Variants in EXT2 observed in about 807,000 individuals in gnomAD.
The protein encoded by EXT2 is exostosin-2.
EXT2 carries 53 observed loss-of-function variants against 81.6 expected under a neutral mutation model. The ratio of observed to expected loss-of-function variants is 0.65; its 90% CI spans 0.52 to 0.82. The LOEUF (loss-of-function observed/expected upper bound fraction) is 0.82, where lower values mean the gene tolerates loss of function less well. EXT2 is among the 40% of genes least tolerant of loss of function. The pLI, the probability that EXT2 is intolerant of heterozygous loss-of-function variation, is 0.00. For synonymous variants in EXT2, 320 were observed against 340.0 expected, an observed-to-expected ratio of 0.94 and a Z score of 0.65; for missense variants, 774 against 910.2, an observed-to-expected ratio of 0.85 and a Z score of 1.93.
Position 44,248,980 on chromosome 11 carries a change from G to A in EXT2, c.*4693G>A, listed in dbSNP as rs918587389. On this transcript the variant is annotated 3_prime_UTR_variant, in exon 14 of 14. Transcript: ENST00000533608. ...CAGGGTAGAGTTTTTTTGTTTGTTT[G>A]TTTGTTTGTTTTTGTTTTTTTTGTT... 6.6e-6 allele frequency among the ~76,000 whole-genome samples: 1 copy of A among 151,688 alleles called. No individual in the cohort carries two copies. The highest frequency in any genetic ancestry group is 1.5e-5 in the Non-Finnish European group (1 of 67,916).
At chr11:44,240,792 A>G (rs1956028100) in intron 13 of EXT2, among the ~76,000 whole-genome samples, 1 of 152,158 alleles carries the variant, frequency 6.6e-6, no homozygotes, top group Non-Finnish European at 1.5e-5. Context: ...ATAGGGAGGG[A>G]AGAAGACATG....
At chr11:44,191,855 G>A (rs1042927883) in intron 8 of EXT2, among the ~76,000 whole-genome samples, 3 of 152,112 alleles carry the variant, frequency 2.0e-5, no homozygotes, top group African/African-American at 7.2e-5. Flanking sequence ...AGGCAAATAG[G>A]ATTATGCTTG....
Position 44,109,245 on chromosome 11 carries a change from C to T in EXT2, c.588C>T (p.Pro196=), listed in dbSNP as rs200009614. Residue 196 remains proline (P), a synonymous_variant, in exon 3 of 14, where the codon CCC becomes CCT. Coordinates refer to ENST00000533608, the MANE Select transcript of EXT2 (RefSeq NM_207122.2). The stretch of plus-strand genomic sequence containing the variant: ...TGTTCAACATGTTGCCTGGAGGTCC[C>T]CCAGATTATAACACAGCCCTGGATG... ...HLLFNMLPGG[P]PDYNTALDVP... The T allele has an allele frequency of 2.2e-5, 36 of 1,613,848 alleles. No homozygotes were observed. In the Middle Eastern group the frequency reaches 6.6e-4, roughly 29 times the overall value.
intron 1 of EXT2, among the ~76,000 whole-genome samples, chr11:44,101,265 T>C (rs553202535): frequency 4.1e-4 from 63 of 152,190 alleles, no homozygotes; most frequent in Non-Finnish European, 8.4e-4. Flanking sequence ...AGTCTTGGTA[T>C]GCGGCTGGGC....
Position 44,114,356 on chromosome 11 carries a change from A to G in EXT2, c.743+55A>G, listed in dbSNP as rs548071898. 40 of 1,527,090 alleles carry G rather than the reference A, an allele frequency of 2.6e-5. No individual in the cohort carries two copies. In the Middle Eastern group the frequency reaches 5.1e-4, roughly 20 times the overall value. 94.6% of individuals were successfully genotyped at this position (1,527,090 alleles called of 1,614,324 possible). Reference sequence around the variant, plus strand: ...CCTTTACTGAATCTGTGAGATGTTGATGAGGTTTAGTGTGGTGGGCATCAA... The same window carrying G: ...CCTTTACTGAATCTGTGAGATGTTGGTGAGGTTTAGTGTGGTGGGCATCAA... On this transcript the variant is annotated intron_variant, in intron 4 of 13. Transcript: ENST00000533608.
At chr11:44,162,401 C>T (rs895387184) in intron 7 of EXT2, among the ~76,000 whole-genome samples, 3 of 151,986 alleles carry the variant, frequency 2.0e-5, no homozygotes, top group African/African-American at 7.3e-5. Context: ...CATGGCAAAA[C>T]TGCATCTCTA....
At chr11:44,101,494 G>A (rs1953981821) in intron 1 of EXT2, among the ~76,000 whole-genome samples, 1 of 152,200 alleles carries the variant, frequency 6.6e-6, no homozygotes, top group Admixed American at 6.5e-5. Flanking sequence ...AAATGTCATA[G>A]TGCTAAGGTT....
At chr11:44,206,658 C>A in intron 9 of EXT2, 135 bp from the exon 10 acceptor site, 1 of 849,434 alleles carries the variant, frequency 1.2e-6, no homozygotes, top group Non-Finnish European at 1.9e-6. Context: ...TCCCCTGACA[C>A]AGTTCTACCT....
intron 7 of EXT2, among the ~76,000 whole-genome samples, chr11:44,164,455 C>T (rs1190875062): frequency 6.6e-6 from 1 of 152,152 alleles, no homozygotes; most frequent in Non-Finnish European, 1.5e-5. Context: ...TTGTTCTTTC[C>T]ACTATGCCAC....
At chr11:44,096,371 G>A in intron 1 of EXT2, 5 of 1,503,948 alleles carry the variant, frequency 3.3e-6, no homozygotes, top group Non-Finnish European at 4.4e-6. Flanking sequence ...GTGGTCGGGG[G>A]CGTGTTAGGC....
At chr11:44,145,143 GAGC>G (rs1222732852) in intron 7 of EXT2, among the ~76,000 whole-genome samples, 1 of 152,014 alleles carries the variant, frequency 6.6e-6, no homozygotes, top group Non-Finnish European at 1.5e-5. Flanking sequence ...CTTGCCTGAG[GAGC>G]AGAAGTGAAA....
At chr11:44,177,066 C>T (rs1955168778) in intron 8 of EXT2, among the ~76,000 whole-genome samples, 1 of 152,140 alleles carries the variant, frequency 6.6e-6, no homozygotes, top group Non-Finnish European at 1.5e-5. Context: ...ACCACACCCT[C>T]AGAACCTGAA....
In EXT2 at chr11:44,197,932, TC is replaced by T; in HGVS notation, c.1411del (p.Arg471GlyfsTer39). 1 of 1,614,076 alleles carries T rather than the reference TC, an allele frequency of 6.2e-7. No individual in the cohort carries two copies. The highest frequency in any genetic ancestry group is 1.7e-5 in the Admixed American group (1 of 60,010). On this transcript the variant is annotated frameshift_variant, in exon 9 of 14. Transcript: ENST00000533608. LOFTEE classifies it high-confidence loss of function. ...VLTYDRVESL[F>X]RVITEVSKVP... ...ACCTACGACCGAGTAGAGAGCCTCTTCCGGGTCATCACTGAAGTGTCCAAGG... is the reference window on the plus strand; with the variant it reads ...ACCTACGACCGAGTAGAGAGCCTCTTCGGGTCATCACTGAAGTGTCCAAGG...
rs1201485257 is a variant in EXT2 at position 44,169,150 on chromosome 11, G to A, written c.1174-2461G>A. On this transcript the variant is annotated intron_variant, in intron 7 of 13. Coordinates refer to ENST00000533608, the MANE Select transcript of EXT2 (RefSeq NM_207122.2). ...CAGGAGAATCGTTTGAACCTGGGAGGTGGAGGTTGCAGTGAGCTGAGATCG... is the reference window on the plus strand; with the variant it reads ...CAGGAGAATCGTTTGAACCTGGGAGATGGAGGTTGCAGTGAGCTGAGATCG... Among the ~76,000 whole-genome samples, 5 of 152,226 alleles carry A rather than the reference G, an allele frequency of 3.3e-5. No individual in the cohort carries two copies. The East Asian group carries it at 9.7e-4, about 29-fold the overall frequency.
chr11:44,211,172 T>C (rs187730154), intron 10 of EXT2, among the ~76,000 whole-genome samples: 221 of 152,290 alleles, frequency 1.5e-3, no homozygotes, highest in African/African-American at 5.1e-3. Flanking sequence ...TTGTACACTG[T>C]CAGTGGGAAT....
At chr11:44,167,826 T>G (rs1015811832) in intron 7 of EXT2, among the ~76,000 whole-genome samples, 2 of 152,140 alleles carry the variant, frequency 1.3e-5, no homozygotes, top group Non-Finnish European at 2.9e-5. Flanking sequence ...TTTTTATTAT[T>G]ATTATACTTT....
At chr11:44,242,934 G>T (rs1181863896) in intron 13 of EXT2, among the ~76,000 whole-genome samples, 1 of 152,114 alleles carries the variant, frequency 6.6e-6, no homozygotes, top group Non-Finnish European at 1.5e-5. Flanking sequence ...CTACCCCATA[G>T]GGTTGTTGTG....
intron 9 of EXT2, among the ~76,000 whole-genome samples, chr11:44,203,867 G>A (rs1461834284): frequency 6.6e-6 from 1 of 152,354 alleles, no homozygotes; most frequent in East Asian, 1.9e-4. Flanking sequence ...CGCCATGCCA[G>A]TTGGCAAAGA....
At chr11:44,130,161 G>T (rs1954471868) in intron 7 of EXT2, 23 bp downstream of exon 7, 1 of 1,579,376 alleles carries the variant, frequency 6.3e-7, no homozygotes, top group African/African-American at 1.3e-5. Context: ...GTCTTGGGGA[G>T]GTGACATGGG....
Sources: allele counts gnomAD v4.1 joint callset (sites outside exome capture counted in the v4.1 genomes callset), GRCh38; gene constraint gnomAD v4.1.1; transcripts MANE v1.5; gene names NCBI Gene and HGNC (gene_info 2026-07-23, HGNC 2026-07-21).